KCNB2: variants seen among roughly 807,000 people sequenced by gnomAD.
KCNB2 encodes the protein potassium voltage-gated channel subfamily B member 2.
A neutral mutation model predicts 61.5 loss-of-function variants in KCNB2; 15 were observed. That is an observed-to-expected ratio of 0.24 (90% confidence interval 0.16 to 0.38). The LOEUF is 0.38. Among genes scored for constraint, KCNB2 ranks in the 10% least tolerant of loss-of-function variants. The probability of loss-of-function intolerance (pLI) is 1.00; values close to 1 mark genes in which losing one functional copy is unlikely to be tolerated. For synonymous variants in KCNB2, 457 were observed against 446.0 expected (o/e 1.02, Z -0.31); for missense variants, 828 against 1,125.2 (o/e 0.74, Z 3.78).
intron 2 of KCNB2, among the ~76,000 whole-genome samples, chr8:72,648,280 A>G (rs992452098): frequency 5.3e-5 from 8 of 152,284 alleles, no homozygotes; most frequent in Middle Eastern, 3.4e-3. Flanking sequence ...CACATTAGAT[A>G]TGAGAATCAT....
chr8:72,711,625 A>G (rs910839479), intron 2 of KCNB2, among the ~76,000 whole-genome samples: 1 of 152,242 alleles, frequency 6.6e-6, no homozygotes, highest in Non-Finnish European at 1.5e-5. Context: ...GATGGTGCAC[A>G]GGGTTCCTGA....
At chr8:72,637,221 G>A (rs1805980324) in intron 2 of KCNB2, among the ~76,000 whole-genome samples, 1 of 152,098 alleles carries the variant, frequency 6.6e-6, no homozygotes, top group Admixed American at 6.6e-5. Flanking sequence ...TGTGTGGCCA[G>A]AATTTAGTAG....
intron 2 of KCNB2, among the ~76,000 whole-genome samples, chr8:72,568,668 G>A (rs1404735718): frequency 6.6e-6 from 1 of 152,154 alleles, no homozygotes; most frequent in Non-Finnish European, 1.5e-5. Context: ...GGAAGACGAG[G>A]GCCTGAGCTC....
intron 2 of KCNB2, among the ~76,000 whole-genome samples, chr8:72,600,123 G>A (rs554066927): frequency 2.6e-5 from 4 of 152,280 alleles, no homozygotes; most frequent in South Asian, 4.1e-4. Flanking sequence ...AAATCATGCT[G>A]CTATAAAGAC....
At chr8:72,642,680 T>C in intron 2 of KCNB2, among the ~76,000 whole-genome samples, 1 of 152,110 alleles carries the variant, frequency 6.6e-6, no homozygotes, top group East Asian at 1.9e-4. Flanking sequence ...TTTAGAGAAC[T>C]TAACAGCAAG....
chr8:72,665,177 G>T (rs1044561309), intron 2 of KCNB2, among the ~76,000 whole-genome samples: 1 of 152,188 alleles, frequency 6.6e-6, no homozygotes, highest in African/African-American at 2.4e-5. Context: ...GCACTAATAG[G>T]ATGAAGAGGA....
intron 2 of KCNB2, among the ~76,000 whole-genome samples, chr8:72,654,078 A>T (rs1406656173): frequency 6.6e-6 from 1 of 152,174 alleles, no homozygotes; most frequent in Non-Finnish European, 1.5e-5. Flanking sequence ...TTTCATAATG[A>T]TCCAATTCAG....
intron 2 of KCNB2, among the ~76,000 whole-genome samples, chr8:72,899,815 C>T (rs189212022): frequency 7.2e-5 from 11 of 152,284 alleles, no homozygotes; most frequent in Admixed American, 2.0e-4. Flanking sequence ...TGATATTCCT[C>T]TCACACTACC....
At chr8:72,808,068 C>T (rs1476807424) in intron 2 of KCNB2, among the ~76,000 whole-genome samples, 1 of 152,142 alleles carries the variant, frequency 6.6e-6, no homozygotes, top group African/African-American at 2.4e-5. Context: ...TATACAAGAA[C>T]CAAGAATCTT....
At chr8:72,914,243 C>T (rs1806352682) in intron 2 of KCNB2, among the ~76,000 whole-genome samples, 1 of 152,166 alleles carries the variant, frequency 6.6e-6, no homozygotes, top group Non-Finnish European at 1.5e-5. Flanking sequence ...AAGCATTCCC[C>T]CATTCTAATA....
At chr8:72,563,624 G>A (rs349350) in intron 1 of KCNB2, among the ~76,000 whole-genome samples, 105,118 of 151,744 alleles carry the variant, frequency 0.69, 36,632 homozygotes, top group Admixed American at 0.73. Flanking sequence ...AGCATGTGGC[G>A]TTAACAGACA....
At chr8:72,785,340 C>A (rs1417229711) in intron 2 of KCNB2, among the ~76,000 whole-genome samples, 1 of 152,216 alleles carries the variant, frequency 6.6e-6, no homozygotes, top group African/African-American at 2.4e-5. Context: ...CAAATAAGCT[C>A]CTGAATAATT....
intron 2 of KCNB2, among the ~76,000 whole-genome samples, chr8:72,915,001 T>G (rs1806366011): frequency 6.6e-6 from 1 of 151,930 alleles, no homozygotes; most frequent in Non-Finnish European, 1.5e-5. Context: ...ACCTCCTGTG[T>G]TGAAGTGATT....
At chr8:72,716,689 A>G (rs1315786956) in intron 2 of KCNB2, among the ~76,000 whole-genome samples, 1 of 152,232 alleles carries the variant, frequency 6.6e-6, no homozygotes, top group Non-Finnish European at 1.5e-5. Flanking sequence ...ATCTATGACA[A>G]ACCCACAGCC....
At chr8:72,748,989 CCAA>C (rs1808135498) in intron 2 of KCNB2, among the ~76,000 whole-genome samples, 1 of 152,074 alleles carries the variant, frequency 6.6e-6, no homozygotes, top group Non-Finnish European at 1.5e-5. Flanking sequence ...TACCCTTTGA[CCAA>C]CACCTCCCAA....
At chr8:72,570,336 A>T (rs550606428) in intron 2 of KCNB2, among the ~76,000 whole-genome samples, 1 of 152,204 alleles carries the variant, frequency 6.6e-6, no homozygotes, top group African/African-American at 2.4e-5. Context: ...AATCTTCACT[A>T]TAAGTTGATT....
intron 2 of KCNB2, among the ~76,000 whole-genome samples, chr8:72,655,106 T>A (rs758807859): frequency 2.0e-5 from 3 of 152,120 alleles, no homozygotes; most frequent in Non-Finnish European, 4.4e-5. Context: ...CAAAGAATAC[T>A]ACACAGCTAT....
chr8:72,672,575 T>C (rs1303777229), intron 2 of KCNB2, among the ~76,000 whole-genome samples: 1 of 152,198 alleles, frequency 6.6e-6, no homozygotes, highest in Non-Finnish European at 1.5e-5. Context: ...CATTCACTGA[T>C]ATTTAATATA....
At chr8:72,765,919 A>C (rs960962511) in intron 2 of KCNB2, among the ~76,000 whole-genome samples, 26 of 152,202 alleles carry the variant, frequency 1.7e-4, no homozygotes, top group African/African-American at 5.8e-4. Context: ...TTTTATCCCA[A>C]CAACTATTAA....
Sources: gnomAD v4.1 joint callset for allele counts (sites outside exome capture counted in the v4.1 genomes callset) on GRCh38, gnomAD v4.1.1 for gene constraint, MANE v1.5 for transcripts, NCBI Gene and HGNC (gene_info 2026-07-23, HGNC 2026-07-21) for gene names.